The following CCDC3 variants were observed in gnomAD, a reference collection of about 807,000 sequenced individuals.
The protein encoded by CCDC3 is coiled-coil domain-containing protein 3.
CCDC3 carries 24 observed loss-of-function variants against 21.4 expected under a neutral mutation model. That is an observed-to-expected ratio of 1.12 (90% CI 0.81 to 1.58). The LOEUF is 1.58. Among genes scored for constraint, CCDC3 ranks in the 40% most tolerant of loss-of-function variants. The probability of loss-of-function intolerance (pLI) is 0.00; values close to 1 mark genes in which losing one functional copy is unlikely to be tolerated. For missense variants in CCDC3, 425 were observed against 360.9 expected, an observed-to-expected ratio of 1.18 and a Z score of -1.44; for synonymous variants, 186 against 166.0, an observed-to-expected ratio of 1.12 and a Z score of -0.93.
At chr10:12,942,467 A>G (rs1319140890) in intron 2 of CCDC3, among the ~76,000 whole-genome samples, 2 of 152,206 alleles carry the variant, frequency 1.3e-5, no homozygotes, top group Non-Finnish European at 2.9e-5. Context: ...AGACATAGAA[A>G]AGCAAGCTGG....
intron 2 of CCDC3, among the ~76,000 whole-genome samples, chr10:12,933,776 C>A (rs964875750): frequency 1.4e-4 from 22 of 152,046 alleles, no homozygotes; most frequent in African/African-American, 5.3e-4. Flanking sequence ...CTTTTATTAT[C>A]CTTTAAATGT....
At chr10:12,922,682 G>A (rs924637619) in intron 2 of CCDC3, among the ~76,000 whole-genome samples, 3 of 151,942 alleles carry the variant, frequency 2.0e-5, no homozygotes, top group African/African-American at 7.3e-5. Context: ...CCGCGCCGCA[G>A]GAACCCAGGA....
At chr10:13,079,781 T>C (rs557802017) in intron 3 of CCDC3, among the ~76,000 whole-genome samples, 5 of 151,628 alleles carry the variant, frequency 3.3e-5, no homozygotes, top group Admixed American at 2.0e-4. Context: ...TGCCACTCCC[T>C]AGGGAAAGGG....
At chr10:13,004,417 C>G (rs1052147776), upstream of CCDC3, among the ~76,000 whole-genome samples, 2 of 152,146 alleles carry the variant, frequency 1.3e-5, no homozygotes, top group African/African-American at 4.8e-5. Flanking sequence ...AATCATTGAT[C>G]AGAAACATCA....
chr10:12,941,968 C>T (rs754140406), intron 2 of CCDC3, among the ~76,000 whole-genome samples: 9 of 152,160 alleles, frequency 5.9e-5, no homozygotes, highest in Admixed American at 1.3e-4. Context: ...TTGTTGAAGG[C>T]GGTTTTCCTG....
Position 12,920,185 on chromosome 10 carries a change from C to T in CCDC3, c.550-21506G>A, listed in dbSNP as rs143837121. Among the ~76,000 whole-genome samples the T allele has an allele frequency of 5.1e-3, 776 of 152,138 alleles. 3 individuals carry two copies. The highest frequency in any genetic ancestry group is 5.9e-3 in the Non-Finnish European group (402 of 68,014). On this transcript the variant is annotated intron_variant, in intron 2 of 2. Coordinates refer to ENST00000378825, the MANE Select transcript of CCDC3 (RefSeq NM_031455.4). Reference sequence around the variant, plus strand: ...CAATCATGGTGGAAGGTGAAAGGCACGTCTTACATGGCGGCAGGCACGAGA... The same window carrying T: ...CAATCATGGTGGAAGGTGAAAGGCATGTCTTACATGGCGGCAGGCACGAGA...
intron 2 of CCDC3, among the ~76,000 whole-genome samples, chr10:12,937,137 ACT>A (rs1424044343): frequency 6.7e-6 from 1 of 149,036 alleles, no homozygotes. Context: ...AGACTCATTC[ACT>A]CTGAGCATCC....
Position 12,983,023 on chromosome 10 carries a change from A to C in CCDC3, c.549+15315T>G, listed in dbSNP as rs183781163. 3.5e-3 allele frequency among the ~76,000 whole-genome samples: 527 copies of C among 149,584 alleles called. 1 individual carries two copies. The highest frequency in any genetic ancestry group is 0.012 in the African/African-American group (499 of 40,800). ...GCTGCTGAACAGGCTGAGGCACAAG[A>C]ATGGCTTAAACCCGGAAGGCGGAGG... On this transcript the variant is annotated intron_variant, in intron 2 of 2. Coordinates refer to ENST00000378825, the MANE Select transcript of CCDC3 (RefSeq NM_031455.4).
intron 2 of CCDC3, among the ~76,000 whole-genome samples, chr10:12,942,685 G>A (rs1257611718): frequency 6.6e-6 from 1 of 152,202 alleles, no homozygotes; most frequent in African/African-American, 2.4e-5. Flanking sequence ...CACCTGCTAT[G>A]CAAGTGGCAC....
intron 3 of CCDC3, among the ~76,000 whole-genome samples, chr10:13,074,486 G>A (rs995909987): frequency 2.0e-5 from 3 of 150,846 alleles, no homozygotes; most frequent in South Asian, 4.2e-4. Flanking sequence ...ACAACCGGCG[G>A]AATCAAATCT....
chr10:12,985,220 A>G (rs1354927810), intron 2 of CCDC3, among the ~76,000 whole-genome samples: 3 of 152,248 alleles, frequency 2.0e-5, no homozygotes, highest in African/African-American at 7.2e-5. Flanking sequence ...TTAAAACCAT[A>G]ATGAGATAGC....
chr10:13,093,091 A>G (rs1459105981), intron 3 of CCDC3, among the ~76,000 whole-genome samples: 1 of 143,658 alleles, frequency 7.0e-6, no homozygotes, highest in Non-Finnish European at 1.5e-5. Flanking sequence ...AAAATCATTT[A>G]TGACAATTTA....
chr10:12,996,581 C>T (rs1404663224), intron 2 of CCDC3, among the ~76,000 whole-genome samples: 2 of 152,162 alleles, frequency 1.3e-5, no homozygotes, highest in African/African-American at 4.8e-5. Context: ...GGTGATCCCC[C>T]CACCTCGGCC....
chr10:13,087,562 C>T (rs2131452266), intron 3 of CCDC3, among the ~76,000 whole-genome samples: 1 of 152,182 alleles, frequency 6.6e-6, no homozygotes. Flanking sequence ...AGTCTGGACC[C>T]TGGAAATGGG....
At chr10:13,048,417 T>C (rs773650112) in intron 5 of CCDC3, among the ~76,000 whole-genome samples, 13 of 152,034 alleles carry the variant, frequency 8.6e-5, no homozygotes, top group Admixed American at 1.3e-4. Flanking sequence ...CAGTCTTGAT[T>C]TCCTGACCTT....
At chr10:12,914,471 A>C (rs914719996) in intron 2 of CCDC3, among the ~76,000 whole-genome samples, 3 of 152,044 alleles carry the variant, frequency 2.0e-5, no homozygotes, top group African/African-American at 7.2e-5. Context: ...TTTGAGACAG[A>C]GTCTTGCTCT....
rs1834009344 is a variant in CCDC3 at position 12,896,865 on chromosome 10, C to T, written c.*1551G>A. On this transcript the variant is annotated 3_prime_UTR_variant, in exon 3 of 3. Transcript: ENST00000378825. ...AATGAAGTGGTGGCAGAAGCTTGGC[C>T]GTGTGAGTGCCCCAGGGTAAAAGTC... 1 of 152,402 alleles carries T rather than the reference C, an allele frequency of 6.6e-6. No individual in the cohort carries two copies. Among genetic ancestry groups the T allele is most frequent in the South Asian group, 2.1e-4 (1 of 4,834 alleles). 9.4% of individuals were successfully genotyped at this position (152,402 alleles called of 1,614,324 possible).
intron 3 of CCDC3, among the ~76,000 whole-genome samples, chr10:13,080,425 A>G (rs1837023802): frequency 6.6e-6 from 1 of 152,238 alleles, no homozygotes; most frequent in African/African-American, 2.4e-5. Context: ...ATTTAAAAGT[A>G]ATTAGGCCTC....
At chr10:12,988,941 A>G (rs1835640076) in intron 2 of CCDC3, among the ~76,000 whole-genome samples, 1 of 152,236 alleles carries the variant, frequency 6.6e-6, no homozygotes, top group Admixed American at 6.5e-5. Context: ...GACAATCAGA[A>G]TAAGTTAATA....
Sources: allele counts gnomAD v4.1 joint callset (sites outside exome capture counted in the v4.1 genomes callset), GRCh38; gene constraint gnomAD v4.1.1; transcripts MANE v1.5; gene names NCBI Gene and HGNC (gene_info 2026-07-23, HGNC 2026-07-21).